The following RALYL variants were observed in gnomAD, a reference collection of about 807,000 sequenced individuals.
RALYL encodes the protein RNA-binding Raly-like protein.
A neutral mutation model predicts 35.1 loss-of-function variants in RALYL; 29 were observed. That is an observed-to-expected ratio of 0.83 (90% CI 0.61 to 1.13). RALYL has a LOEUF of 1.13. Ranked by LOEUF, RALYL falls within the 50% of genes most tolerant of loss-of-function variation. The probability of loss-of-function intolerance (pLI) is 0.00; values close to 1 mark genes in which losing one functional copy is unlikely to be tolerated. For synonymous variants in RALYL, 120 were observed against 127.6 expected, an observed-to-expected ratio of 0.94 and a Z score of 0.40; for missense variants, 359 against 360.4, an observed-to-expected ratio of 1.00 and a Z score of 0.03.
At chr8:84,769,881 G>A (rs1362778419) in intron 2 of RALYL, among the ~76,000 whole-genome samples, 1 of 152,002 alleles carries the variant, frequency 6.6e-6, no homozygotes, top group African/African-American at 2.4e-5. Flanking sequence ...AAGTTATGAG[G>A]AATAATGCTG....
intron 1 of RALYL, among the ~76,000 whole-genome samples, chr8:84,482,734 T>C (rs944427699): frequency 3.3e-5 from 5 of 152,112 alleles, no homozygotes; most frequent in African/African-American, 1.2e-4. Flanking sequence ...TTCACCTCCG[T>C]TCTTGTAGAT....
rs375449891 is a variant in RALYL at position 84,415,361 on chromosome 8, T to G, written c.-23-113938T>G. On this transcript the variant is annotated intron_variant, in intron 1 of 8. Coordinates refer to ENST00000521268, the MANE Select transcript of RALYL (RefSeq NM_173848.7). ...TTCAAGCGATTCTCCTGCCTCAGCC[T>G]CCCTAGTAGCTGGGATTACAGGCGC... Among the ~76,000 whole-genome samples the G allele has an allele frequency of 1.2e-4, 19 of 152,080 alleles. No homozygotes were observed. The East Asian group carries it at 1.9e-3, about 15-fold the overall frequency.
rs554697105 is a variant in RALYL at position 84,901,642 on chromosome 8, G to A, written c.858+13866G>A. ...GAAAGAACCCAGGGTGGAGAAGTGG[G>A]ATGAAAGACTGGCATACTAAGTAAA... is the stretch of plus-strand genomic sequence containing the variant. On this transcript the variant is annotated intron_variant, in intron 8 of 8. Coordinates refer to ENST00000521268, the MANE Select transcript of RALYL (RefSeq NM_173848.7). Among the ~76,000 whole-genome samples, 12 of 152,194 alleles carry A rather than the reference G, an allele frequency of 7.9e-5. No individual in the cohort carries two copies. The South Asian group carries it at 2.5e-3, about 32-fold the overall frequency.
At chr8:84,229,847 C>A (rs186430540) in intron 1 of RALYL, among the ~76,000 whole-genome samples, 2 of 152,148 alleles carry the variant, frequency 1.3e-5, no homozygotes, top group African/African-American at 4.8e-5. Context: ...GACTGGAACT[C>A]ACAGTTCCTG....
intron 2 of RALYL, among the ~76,000 whole-genome samples, chr8:84,654,078 C>A (rs1452155385): frequency 1.4e-5 from 2 of 147,918 alleles, no homozygotes; most frequent in Non-Finnish European, 1.5e-5. Flanking sequence ...TATATAAACA[C>A]ACACACACAA....
chr8:84,674,014 G>A (rs1833745446), intron 2 of RALYL, among the ~76,000 whole-genome samples: 2 of 152,068 alleles, frequency 1.3e-5, no homozygotes, highest in Non-Finnish European at 2.9e-5. Flanking sequence ...CCATGAATAT[G>A]GGATTTTTTT....
In RALYL at chr8:84,428,077, GTCTCTC is replaced by G. The variant is rs71271988; in HGVS notation, c.-23-101197_-23-101192del. On this transcript the variant is annotated intron_variant, in intron 1 of 8. Transcript: ENST00000521268. ...TCCGGCTCGCTTGCGCTTGCTCGCT[GTCTCTC>G]TCTCTCTCTCTCTCTCTCTCTCTCA... Among the ~76,000 whole-genome samples, 830 of 129,364 alleles carry G rather than the reference GTCTCTC, an allele frequency of 6.4e-3. 7 individuals are homozygous for G. The highest frequency in any genetic ancestry group is 0.021 in the African/African-American group (739 of 34,970). 84.9% of individuals were successfully genotyped at this position (129,364 alleles called of 152,430 possible). A position where few individuals can be genotyped will look rare whatever the true frequency, so the allele number is the denominator to read the frequency against.
At chr8:84,375,101 G>C (rs1856654613) in intron 1 of RALYL, among the ~76,000 whole-genome samples, 1 of 151,824 alleles carries the variant, frequency 6.6e-6, no homozygotes, top group Non-Finnish European at 1.5e-5. Flanking sequence ...TTTTGATACA[G>C]ACACATAATG....
At chr8:84,744,046 C>A (rs572440774) in intron 2 of RALYL, among the ~76,000 whole-genome samples, 89 of 151,958 alleles carry the variant, frequency 5.9e-4, no homozygotes, top group Non-Finnish European at 1.2e-3. Context: ...TGTGTATCCA[C>A]TTAATACCTC....
chr8:84,892,993 A>C (rs951886492), intron 8 of RALYL, among the ~76,000 whole-genome samples: 1 of 152,228 alleles, frequency 6.6e-6, no homozygotes, highest in African/African-American at 2.4e-5. Flanking sequence ...CTGGGGATAA[A>C]GAAGGAAAAT....
intron 4 of RALYL, among the ~76,000 whole-genome samples, chr8:84,820,191 G>A (rs1425773774): frequency 6.6e-6 from 1 of 152,094 alleles, no homozygotes; most frequent in Admixed American, 6.6e-5. Flanking sequence ...TGTACCCTCT[G>A]AACTCTTGGT....
intron 2 of RALYL, among the ~76,000 whole-genome samples, chr8:84,612,719 G>C (rs1795909450): frequency 6.6e-6 from 1 of 151,662 alleles, no homozygotes; most frequent in South Asian, 2.1e-4. Flanking sequence ...ATTACTTTGT[G>C]TGAGTTGGTG....
At chr8:84,665,734 A>T (rs1007842113) in intron 2 of RALYL, 8 of 151,306 alleles carry the variant, frequency 5.3e-5, no homozygotes, top group African/African-American at 7.3e-5. Context: ...TATTTTATTA[A>T]TTTTTTTCAA....
At chr8:84,552,942 G>A (rs2135459494) in intron 2 of RALYL, among the ~76,000 whole-genome samples, 1 of 152,110 alleles carries the variant, frequency 6.6e-6, no homozygotes, top group South Asian at 2.1e-4. Flanking sequence ...AGATCCTGAG[G>A]TAGGGGTTGA....
At chr8:84,490,616 A>G (rs2134029736) in intron 1 of RALYL, among the ~76,000 whole-genome samples, 1 of 152,080 alleles carries the variant, frequency 6.6e-6, no homozygotes, top group East Asian at 1.9e-4. Context: ...AGTGTTTGGA[A>G]AAGGTGAATC....
chr8:84,340,650 T>C (rs1331146295), intron 1 of RALYL, among the ~76,000 whole-genome samples: 2 of 152,098 alleles, frequency 1.3e-5, no homozygotes, highest in Non-Finnish European at 2.9e-5. Flanking sequence ...TCCATCACTA[T>C]TCAAGTCACT....
intron 2 of RALYL, among the ~76,000 whole-genome samples, chr8:84,720,200 A>T (rs1589186290): frequency 6.6e-6 from 1 of 152,120 alleles, no homozygotes; most frequent in Admixed American, 6.6e-5. Flanking sequence ...CAAATAGCCA[A>T]AGCAATCTTA....
At chr8:84,518,785 T>G (rs1323369146) in intron 1 of RALYL, among the ~76,000 whole-genome samples, 1 of 152,194 alleles carries the variant, frequency 6.6e-6, no homozygotes, top group Non-Finnish European at 1.5e-5. Context: ...GTGGCCAGTA[T>G]AGTAGCCTAC....
chr8:84,385,486 T>C (rs928018971), intron 1 of RALYL, among the ~76,000 whole-genome samples: 4 of 151,796 alleles, frequency 2.6e-5, no homozygotes, highest in Non-Finnish European at 4.4e-5. Context: ...GGGACAAGGA[T>C]GAGTACACCT....
Sources: gnomAD v4.1 joint callset for allele counts (sites outside exome capture counted in the v4.1 genomes callset) on GRCh38, gnomAD v4.1.1 for gene constraint, MANE v1.5 for transcripts, NCBI Gene and HGNC (gene_info 2026-07-23, HGNC 2026-07-21) for gene names.